GSK3B: variants seen among roughly 807,000 people sequenced by gnomAD.
GSK3B encodes the protein glycogen synthase kinase 3 beta, also known as glycogen synthase kinase-3 beta.
A neutral mutation model predicts 56.4 loss-of-function variants in GSK3B; 15 were observed. The observed-to-expected ratio is 0.27, with a 90% CI of 0.18 to 0.41. The LOEUF (loss-of-function observed/expected upper bound fraction) is 0.41. Among genes scored for constraint, GSK3B ranks in the 10% least tolerant of loss-of-function variants. The pLI, the probability that GSK3B is intolerant of heterozygous loss-of-function variation, is 1.00. For synonymous variants in GSK3B, 181 were observed against 188.9 expected, an observed-to-expected ratio of 0.96 and a Z score of 0.34; for missense variants, 300 against 513.4, an observed-to-expected ratio of 0.58 and a Z score of 4.02.
rs1168757060 is a variant in GSK3B, at chr3:119,823,015, T to G, written c.*3773A>C. On this transcript the variant is annotated 3_prime_UTR_variant, in exon 11 of 11. Coordinates refer to ENST00000264235, the MANE Select transcript of GSK3B (RefSeq NM_001146156.2). ...TGGTTAGGCATACATTGTTAAAACA[T>G]AAACCAAAAATGTGTCTAAAAATTA... is the stretch of plus-strand genomic sequence containing the variant. 1 of 229,874 alleles carries G rather than the reference T, an allele frequency of 4.4e-6. No individual in the cohort carries two copies. The highest frequency in any genetic ancestry group is 8.6e-6 in the Non-Finnish European group (1 of 116,052). The allele number at this position is 229,874 out of a possible 1,614,324, so 14.2% of individuals were successfully genotyped here. A position where few individuals can be genotyped will look rare whatever the true frequency, so the allele number is the denominator to read the frequency against.
intron 2 of GSK3B, among the ~76,000 whole-genome samples, chr3:120,001,200 G>A (rs1166267111): frequency 6.6e-6 from 1 of 151,890 alleles, no homozygotes; most frequent in Non-Finnish European, 1.5e-5. Context: ...TGATGAGTGA[G>A]TTCCCACTCA....
At chr3:119,982,461 C>A (rs571891496) in intron 2 of GSK3B, among the ~76,000 whole-genome samples, 2 of 152,032 alleles carry the variant, frequency 1.3e-5, no homozygotes, top group African/African-American at 4.8e-5. Context: ...AAGCTAATAA[C>A]CTTGAAAAAA....
intron 4 of GSK3B, among the ~76,000 whole-genome samples, chr3:119,917,559 A>C (rs1415037944): frequency 6.6e-6 from 1 of 152,054 alleles, no homozygotes; most frequent in Non-Finnish European, 1.5e-5. Flanking sequence ...AACCTCCCAT[A>C]AGAAACTGAG....
chr3:119,982,834 C>A (rs1294794265), intron 2 of GSK3B, among the ~76,000 whole-genome samples: 1 of 151,996 alleles, frequency 6.6e-6, no homozygotes, highest in Non-Finnish European at 1.5e-5. Flanking sequence ...AGGCCAACAT[C>A]CAAATTCAGG....
intron 2 of GSK3B, among the ~76,000 whole-genome samples, chr3:119,967,737 C>T (rs1215318342): frequency 6.6e-6 from 1 of 151,668 alleles, no homozygotes; most frequent in Non-Finnish European, 1.5e-5. Context: ...TCCTTTCTCC[C>T]GTCCCGTCCC....
Position 119,825,958 on chromosome 3 carries a change from A to AT in GSK3B, c.*829dup. Reference sequence around the variant, plus strand: ...GCTCAGCCTGCTCAACACCCCTTCCATCTCCTCCCAGGTCACTAGTTTGAA... The same window carrying AT: ...GCTCAGCCTGCTCAACACCCCTTCCATTCTCCTCCCAGGTCACTAGTTTGAA... On this transcript the variant is annotated 3_prime_UTR_variant, in exon 11 of 11. Coordinates refer to ENST00000264235, the MANE Select transcript of GSK3B (RefSeq NM_001146156.2). The AT allele has an allele frequency of 4.7e-6, 1 of 214,506 alleles. No homozygotes were observed. Among genetic ancestry groups the AT allele is most frequent in the East Asian group, 7.0e-5 (1 of 14,380 alleles). The allele number at this position is 214,506 out of a possible 1,614,324, so 13.3% of individuals were successfully genotyped here.
intron 9 of GSK3B, among the ~76,000 whole-genome samples, chr3:119,847,070 A>T (rs182520223): frequency 1.9e-4 from 29 of 152,222 alleles, no homozygotes; most frequent in Non-Finnish European, 1.5e-4. Flanking sequence ...TCTCACTCGT[A>T]AGTGGGAGTT....
intron 1 of GSK3B, among the ~76,000 whole-genome samples, chr3:120,066,496 G>A (rs77618823): frequency 0.027 from 4,112 of 152,156 alleles, 192 homozygotes; most frequent in African/African-American, 0.093. Flanking sequence ...ATATAAATAC[G>A]TACTTAAAAA....
chr3:119,842,453 T>C (rs943339654), intron 10 of GSK3B, among the ~76,000 whole-genome samples: 6 of 152,214 alleles, frequency 3.9e-5, no homozygotes, highest in Non-Finnish European at 8.8e-5. Flanking sequence ...TTTATACTTC[T>C]TGAAAATATT....
chr3:119,843,452 A>G (rs1266578756), intron 9 of GSK3B, 99 bp from the exon 10 acceptor site: 9 of 602,188 alleles, frequency 1.5e-5, no homozygotes, highest in Non-Finnish European at 2.6e-5. Flanking sequence ...GCATTAAACT[A>G]CCAGTTTATG....
intron 10 of GSK3B, among the ~76,000 whole-genome samples, chr3:119,830,666 C>T (rs2055584441): frequency 6.6e-6 from 1 of 152,210 alleles, no homozygotes; most frequent in African/African-American, 2.4e-5. Context: ...CTCTTGTTTT[C>T]AACCAGAGAT....
intron 8 of GSK3B, among the ~76,000 whole-genome samples, chr3:119,866,120 T>A (rs984120624): frequency 4.6e-5 from 7 of 152,124 alleles, no homozygotes; most frequent in Admixed American, 2.6e-4. Flanking sequence ...TAATACAGGG[T>A]GAGTTAGCAT....
chr3:120,027,248 G>A (rs1237372449), intron 1 of GSK3B, among the ~76,000 whole-genome samples: 6 of 147,832 alleles, frequency 4.1e-5, no homozygotes, highest in Middle Eastern at 3.6e-3. Context: ...GTGGTGGTGC[G>A]TGCCTGTAAT....
At chr3:119,934,930 T>A (rs563179729) in intron 3 of GSK3B, among the ~76,000 whole-genome samples, 1 of 152,174 alleles carries the variant, frequency 6.6e-6, no homozygotes, top group East Asian at 1.9e-4. Flanking sequence ...CAATTTTTTA[T>A]ATAGTATGCA....
intron 9 of GSK3B, among the ~76,000 whole-genome samples, chr3:119,856,757 T>C (rs2108025931): frequency 6.6e-6 from 1 of 152,216 alleles, no homozygotes; most frequent in Admixed American, 6.5e-5. Flanking sequence ...CTGACATCAA[T>C]TCTATTGATG....
At chr3:119,840,024 T>C (rs989016485) in intron 10 of GSK3B, among the ~76,000 whole-genome samples, 22 of 152,150 alleles carry the variant, frequency 1.4e-4, no homozygotes, top group Admixed American at 1.1e-3. Context: ...TATTTTGTAC[T>C]CTGGAGCAGA....
At chr3:119,914,672 T>C (rs750754604) in intron 5 of GSK3B, among the ~76,000 whole-genome samples, 3 of 152,032 alleles carry the variant, frequency 2.0e-5, no homozygotes, top group Admixed American at 1.3e-4. Flanking sequence ...TGATAGGTCA[T>C]CTGAAATTAG....
At chr3:119,896,177 C>A (rs1327937955) in intron 7 of GSK3B, among the ~76,000 whole-genome samples, 3 of 149,860 alleles carry the variant, frequency 2.0e-5, no homozygotes, top group East Asian at 3.9e-4. Flanking sequence ...TTTTTCAAGA[C>A]TGTTTTGGAC....
chr3:120,082,920 C>CT (rs2058433535), intron 1 of GSK3B, among the ~76,000 whole-genome samples: 1 of 151,886 alleles, frequency 6.6e-6, no homozygotes, highest in Non-Finnish European at 1.5e-5. Flanking sequence ...TATAATTCAC[C>CT]TTTTTGGCTT....
Sources: allele counts gnomAD v4.1 joint callset (sites outside exome capture counted in the v4.1 genomes callset), GRCh38; gene constraint gnomAD v4.1.1; transcripts MANE v1.5; gene names NCBI Gene and HGNC (gene_info 2026-07-23, HGNC 2026-07-21).